The following ASPG variants were observed in gnomAD, a reference collection of about 807,000 sequenced individuals.
ASPG encodes the protein asparaginase.
A neutral mutation model predicts 63.2 loss-of-function variants in ASPG; 53 were observed. The ratio of observed to expected loss-of-function variants is 0.84; its 90% CI spans 0.67 to 1.05. ASPG has a LOEUF of 1.05. ASPG is among the 50% of genes least tolerant of loss of function. The probability of loss-of-function intolerance (pLI) is 0.00; values close to 1 mark genes in which losing one functional copy is unlikely to be tolerated. For synonymous variants in ASPG, 370 were observed against 355.0 expected (o/e 1.04, Z -0.48); for missense variants, 741 against 794.4 (o/e 0.93, Z 0.81).
rs1188836941 is a variant in ASPG, at chr14:104,091,657, G to A, written c.83-976G>A. On this transcript the variant is annotated intron_variant, in intron 1 of 15. Coordinates refer to ENST00000551177, the MANE Select transcript of ASPG (RefSeq NM_001080464.3). This position sits in a 1 kb window ranked among gnomAD's most constrained non-coding sequence, Gnocchi z 6.4. ...GGCGATGTCAGGGAGGGGTGCGGCT[G>A]GAGGGATATTAGAGGGGGCTGCTTT... Among the ~76,000 whole-genome samples the A allele has an allele frequency of 6.6e-6, 1 of 152,152 alleles. No homozygotes were observed. Among genetic ancestry groups the A allele is most frequent in the Non-Finnish European group, 1.5e-5 (1 of 68,028 alleles).
In ASPG at chr14:104,091,635, G is replaced by C. The variant is rs1377562012; in HGVS notation, c.83-998G>C. 6.6e-6 allele frequency among the ~76,000 whole-genome samples: 1 copy of C among 152,164 alleles called. No individual in the cohort carries two copies. Among genetic ancestry groups the C allele is most frequent in the Non-Finnish European group, 1.5e-5 (1 of 68,034 alleles). ...CAGGGTGAGCCCAGCAGTGGAGGGC[G>C]ATGTCAGGGAGGGGTGCGGCTGGAG... On this transcript the variant is annotated intron_variant, in intron 1 of 15. Coordinates refer to ENST00000551177, the MANE Select transcript of ASPG (RefSeq NM_001080464.3). This position sits in a 1 kb window ranked among gnomAD's most constrained non-coding sequence, Gnocchi z 6.4.
intron 1 of ASPG, among the ~76,000 whole-genome samples, chr14:104,088,400 G>A (rs1026830871): frequency 6.6e-6 from 1 of 152,132 alleles, no homozygotes; most frequent in Non-Finnish European, 1.5e-5. Flanking sequence ...CAGGTCAAGG[G>A]GCATAGCGAA....
In ASPG at chr14:104,092,823, G is replaced by A. The variant is rs372807153; in HGVS notation, c.191+82G>A. On this transcript the variant is annotated intron_variant, in intron 2 of 15. Coordinates refer to ENST00000551177, the MANE Select transcript of ASPG (RefSeq NM_001080464.3). ...CCTGAGGCTGGGCACTGCTGGCCAGGCCCACGTGAGCCATTTGCTCACCCC... is the reference window on the plus strand; with the variant it reads ...CCTGAGGCTGGGCACTGCTGGCCAGACCCACGTGAGCCATTTGCTCACCCC... 435 of 1,182,862 alleles carry A rather than the reference G, an allele frequency of 3.7e-4. 1 individual carries two copies. In the African/African-American group the frequency reaches 5.7e-3, roughly 16 times the overall value. 73.3% of individuals were successfully genotyped at this position (1,182,862 alleles called of 1,614,324 possible). A position where few individuals can be genotyped will look rare whatever the true frequency, so the allele number is the denominator to read the frequency against.
intron 10 of ASPG, among the ~76,000 whole-genome samples, chr14:104,106,114 C>T (rs972337877): frequency 2.0e-5 from 3 of 152,348 alleles, no homozygotes; most frequent in Admixed American, 6.5e-5. Flanking sequence ...CTTGCTGGGG[C>T]GGGTGATGGG....
In ASPG at chr14:104,085,703, C is replaced by G. The variant is rs1314010641; in HGVS notation, c.-68C>G. ...GCGCCCCGGGCCTCCTCCGCGCAGT[C>G]CCTGAGTCCCGCAGGCCCTGCGTCC... On this transcript the variant is annotated 5_prime_UTR_variant, in exon 1 of 16. Coordinates refer to ENST00000551177, the MANE Select transcript of ASPG (RefSeq NM_001080464.3). The G allele has an allele frequency of 7.3e-7, 1 of 1,372,698 alleles. No homozygotes were observed. The highest frequency in any genetic ancestry group is 9.5e-7 in the Non-Finnish European group (1 of 1,051,156). 85.0% of individuals were successfully genotyped at this position (1,372,698 alleles called of 1,614,324 possible).
Position 104,111,942 on chromosome 14 carries a change from C to A in ASPG, c.1643C>A (p.Ala548Glu). Residue 548 changes from alanine to glutamate, a missense_variant, in exon 15 of 16, where the codon GCA (alanine) becomes GAA (glutamate). By Grantham distance (107) the Ala-to-Glu change is moderately radical (BLOSUM62 -1). Coordinates refer to ENST00000551177, the MANE Select transcript of ASPG (RefSeq NM_001080464.3). The part of the protein sequence containing the change: ...LHVAEAAGNL[A>E]VVAFLQSLEG... ...TAGGCAGAGGCAGCCGGGAACCTGGCAGTGGTGGCCTTTCTACAGAGCCTG... is the reference window on the plus strand; with the variant it reads ...TAGGCAGAGGCAGCCGGGAACCTGGAAGTGGTGGCCTTTCTACAGAGCCTG... 1 of 1,556,700 alleles carries A rather than the reference C, an allele frequency of 6.4e-7. No homozygotes were observed. The highest frequency in any genetic ancestry group is 2.4e-5 in the East Asian group (1 of 41,294).
intron 6 of ASPG, 144 bp downstream of exon 6, chr14:104,099,123 G>A: frequency 7.4e-7 from 1 of 1,353,894 alleles, no homozygotes; most frequent in Non-Finnish European, 9.9e-7. Context: ...GTTCTGCCCT[G>A]GGCTGTGGAG....
chr14:104,090,620 C>G lies in ASPG; in HGVS notation c.83-2013C>G, dbSNP rs890778693. On this transcript the variant is annotated intron_variant, in intron 1 of 15. Transcript: ENST00000551177. Reference sequence around the variant, plus strand: ...TGCAATCCTTGGCTTGTGGCCGCATCACTCCAGTCATCCAGGCCAGCATCT... The same window carrying G: ...TGCAATCCTTGGCTTGTGGCCGCATGACTCCAGTCATCCAGGCCAGCATCT... Among the ~76,000 whole-genome samples the G allele has an allele frequency of 5.9e-5, 9 of 152,360 alleles. No individual in the cohort carries two copies. In the East Asian group the frequency reaches 7.7e-4, roughly 13 times the overall value.
At chr14:104,085,992 C>A in intron 1 of ASPG, 140 bp downstream of exon 1, 2 of 765,036 alleles carry the variant, frequency 2.6e-6, no homozygotes, top group Non-Finnish European at 3.9e-6. Flanking sequence ...CGCTCTCCTC[C>A]GGTTCCGGCC....
Position 104,110,585 on chromosome 14 carries a change from T to A in ASPG, c.1521-917T>A, listed in dbSNP as rs903061658. 9 of 985,272 alleles carry A rather than the reference T, an allele frequency of 9.1e-6. No homozygotes were observed. Among genetic ancestry groups the A allele is most frequent in the Non-Finnish European group, 1.1e-5 (9 of 829,852 alleles). 61.0% of individuals were successfully genotyped at this position (985,272 alleles called of 1,614,324 possible). A position where few individuals can be genotyped will look rare whatever the true frequency, so the allele number is the denominator to read the frequency against. On this transcript the variant is annotated intron_variant, in intron 13 of 15. Coordinates refer to ENST00000551177, the MANE Select transcript of ASPG (RefSeq NM_001080464.3). This position sits in a 1 kb window ranked among gnomAD's most constrained non-coding sequence, Gnocchi z 4.7. Reference sequence around the variant, plus strand: ...CTAGGGGCCGGTGTGTGTGTGGGGCTTGGCCTCTTGGAGCAGGTCCAGGAG... The same window carrying A: ...CTAGGGGCCGGTGTGTGTGTGGGGCATGGCCTCTTGGAGCAGGTCCAGGAG...
chr14:104,105,160 C>A, intron 9 of ASPG, 168 bp from the exon 10 acceptor site: 2 of 1,046,284 alleles, frequency 1.9e-6, no homozygotes, highest in Non-Finnish European at 2.8e-6. Flanking sequence ...GTGGGGCTGG[C>A]CTTGGGAGGG....
rs2141064554 is a variant in ASPG, at chr14:104,111,258, T to C, written c.1521-244T>C. The C allele has an allele frequency of 3.3e-6, 3 of 902,986 alleles. No homozygotes were observed. In the South Asian group the frequency reaches 1.5e-4, roughly 46 times the overall value. The allele number at this position is 902,986 out of a possible 1,614,324, so 55.9% of individuals were successfully genotyped here. On this transcript the variant is annotated intron_variant, in intron 13 of 15. Coordinates refer to ENST00000551177, the MANE Select transcript of ASPG (RefSeq NM_001080464.3). The stretch of plus-strand genomic sequence containing the variant: ...CTGTGTATGCTGCTGTGTGTGCATG[T>C]GTGTTCATGTATGTTTGCGCATGTG...
intron 5 of ASPG, among the ~76,000 whole-genome samples, chr14:104,098,194 A>G (rs1050213397): frequency 6.6e-6 from 1 of 152,044 alleles, no homozygotes; most frequent in Non-Finnish European, 1.5e-5. Flanking sequence ...AGAGATGCGT[A>G]TGGAGGTTTT....
chr14:104,092,726 AC>A lies in ASPG; in HGVS notation c.177del (p.Asp59GlufsTer30). ...EHARARGLSE[D>X]TLVLPPASRN... ...GCCCGAGCCCGCGGCCTCTCTGAGGACACCCTGGTGCTACCGTGAGTGTGGG... is the reference window on the plus strand; with the variant it reads ...GCCCGAGCCCGCGGCCTCTCTGAGGAACCCTGGTGCTACCGTGAGTGTGGG... On this transcript the variant is annotated frameshift_variant, in exon 2 of 16. Coordinates refer to ENST00000551177, the MANE Select transcript of ASPG (RefSeq NM_001080464.3). LOFTEE classifies it high-confidence loss of function. The A allele has an allele frequency of 5.9e-6, 9 of 1,536,382 alleles. No homozygotes were observed. Among genetic ancestry groups the A allele is most frequent in the Non-Finnish European group, 7.8e-6 (9 of 1,146,916 alleles).
In ASPG at chr14:104,107,230, G is replaced by C. The variant is rs756260499; in HGVS notation, c.1318G>C (p.Ala440Pro). 6 of 1,604,722 alleles carry C rather than the reference G, an allele frequency of 3.7e-6. No homozygotes were observed. In the Admixed American group the frequency reaches 6.8e-5, roughly 18 times the overall value. The change falls in exon 12 of 16, where the codon GCG (alanine) becomes CCG (proline). Residue 440 changes from alanine (A) to proline (P), a missense_variant. Coordinates refer to ENST00000551177, the MANE Select transcript of ASPG (RefSeq NM_001080464.3). ...CTTTAACGGCCAAACCCCACTGCAC[G>C]CGGCCGCCCGGGGAGGCCACACAGA... ...VDFNGQTPLH[A>P]AARGGHTEAV...
chr14:104,103,608 T>C lies in ASPG; in HGVS notation c.686T>C (p.Val229Ala). The change falls in exon 7 of 16, where the codon GTG becomes GCG. Residue 229 changes from valine to alanine, a missense_variant. Val to Ala is a moderately conservative substitution (Grantham distance 64). Transcript: ENST00000551177. ...AAGGTGGACGGGAAGGCTGGGCTGG[T>C]GGTGCACAGCAGCATGGAGCAGGAC... is the stretch of plus-strand genomic sequence containing the variant. ...VRKVDGKAGL[V>A]VHSSMEQDVG... is the part of the protein sequence containing the mutation. The C allele has an allele frequency of 6.5e-7, 1 of 1,548,104 alleles. No individual in the cohort carries two copies. The highest frequency in any genetic ancestry group is 8.7e-7 in the Non-Finnish European group (1 of 1,146,756).
rs1418973273 is a variant in ASPG at position 104,104,485 on chromosome 14, T to C, written c.935T>C (p.Met312Thr). The change falls in exon 8 of 16, where the codon ATG becomes ACG. Residue 312 changes from methionine to threonine, a missense_variant and splice_region_variant. Met to Thr is a moderately conservative substitution (Grantham distance 81). Transcript: ENST00000551177. Reference protein sequence around the residue: ...GAVTTDYAAGMAMAGAGVISG... With the variant: ...GAVTTDYAAGTAMAGAGVISG... ...GTGACCACAGACTATGCAGCTGGCA[T>C]GGTAGTGCCGGGAGATCAGGGCCTA... 1.2e-6 allele frequency: 2 copies of C among 1,611,510 alleles called. No individual in the cohort carries two copies. Among genetic ancestry groups the C allele is most frequent in the Admixed American group, 1.7e-5 (1 of 59,936 alleles).
intron 1 of ASPG, among the ~76,000 whole-genome samples, chr14:104,090,329 T>C (rs2140977537): frequency 6.6e-6 from 1 of 152,298 alleles, no homozygotes; most frequent in South Asian, 2.1e-4. Context: ...CGTGAGCATG[T>C]CCCACAAAAC....
Position 104,099,085 on chromosome 14 carries a change from A to G in ASPG, c.640+106A>G, listed in dbSNP as rs936614640. On this transcript the variant is annotated intron_variant, in intron 6 of 15. Coordinates refer to ENST00000551177, the MANE Select transcript of ASPG (RefSeq NM_001080464.3). ...GGACTCGGCAGAGTTTGAGAGCACC[A>G]TGCTTGGTTCTGACTTGCCCTGGCT... is the stretch of plus-strand genomic sequence containing the variant. The G allele has an allele frequency of 1.2e-5, 17 of 1,472,672 alleles. No individual in the cohort carries two copies. In the African/African-American group the frequency reaches 1.4e-4, roughly 12 times the overall value. 91.2% of individuals were successfully genotyped at this position (1,472,672 alleles called of 1,614,324 possible).
Sources: gnomAD v4.1 joint callset for allele counts (sites outside exome capture counted in the v4.1 genomes callset) on GRCh38, gnomAD v4.1.1 for gene constraint, Gnocchi (gnomAD v3.1) non-coding constraint, MANE v1.5 for transcripts, NCBI Gene and HGNC (gene_info 2026-07-23, HGNC 2026-07-21) for gene names.